Variants in PPFIA2 observed in about 807,000 individuals in gnomAD.
PPFIA2 encodes liprin-alpha-2.
PPFIA2 carries 46 observed loss-of-function variants against 175.5 expected under a neutral mutation model. The observed-to-expected ratio is 0.26, with a 90% CI of 0.21 to 0.34. PPFIA2 has a LOEUF of 0.34. PPFIA2 is among the 10% of genes least tolerant of loss of function. PPFIA2 has a pLI of 1.00. For missense variants in PPFIA2, 1,179 were observed against 1,506.1 expected (o/e 0.78, Z 3.60); for synonymous variants, 568 against 511.4 (o/e 1.11, Z -1.49).
intron 4 of PPFIA2, among the ~76,000 whole-genome samples, chr12:81,527,092 A>G: frequency 6.6e-6 from 1 of 152,164 alleles, no homozygotes; most frequent in East Asian, 1.9e-4. Flanking sequence ...TACAATAAAA[A>G]TATTCGTGTC....
chr12:81,259,638 A>T lies in PPFIA2; in HGVS notation c.*56T>A. 1 of 1,534,350 alleles carries T rather than the reference A, an allele frequency of 6.5e-7. No homozygotes were observed. Among genetic ancestry groups the T allele is most frequent in the South Asian group, 1.2e-5 (1 of 83,990 alleles). On this transcript the variant is annotated 3_prime_UTR_variant, in exon 33 of 33. Transcript: ENST00000549396. ...TCTTAGATGGTAGTGCACTTTAGGT[A>T]GAGTAGACTGAAAAGACGCCATCTA... is the stretch of plus-strand genomic sequence containing the variant.
chr12:81,661,357 T>A (rs1834265524), intron 4 of PPFIA2, among the ~76,000 whole-genome samples: 1 of 152,162 alleles, frequency 6.6e-6, no homozygotes, highest in Non-Finnish European at 1.5e-5. Flanking sequence ...GAGGAAGATC[T>A]ACCAAGCAAA....
chr12:81,311,751 A>AAG (rs1313339975), intron 22 of PPFIA2, among the ~76,000 whole-genome samples: 3 of 69,110 alleles, frequency 4.3e-5, no homozygotes, highest in Admixed American at 1.6e-4. Context: ...AAAAAAAAAA[A>AAG]AGAAAGAAAG....
intron 3 of PPFIA2, among the ~76,000 whole-genome samples, chr12:81,714,070 C>A (rs1365351282): frequency 2.6e-5 from 4 of 150,964 alleles, no homozygotes; most frequent in Non-Finnish European, 4.4e-5. Flanking sequence ...GTTCTGAGGA[C>A]CATCCAGGGG....
At chr12:81,555,962 G>A (rs1385739679) in intron 4 of PPFIA2, among the ~76,000 whole-genome samples, 2 of 151,736 alleles carry the variant, frequency 1.3e-5, no homozygotes, top group African/African-American at 4.8e-5. Flanking sequence ...AGAGACCCTT[G>A]GGGTTTCATC....
chr12:81,460,925 A>G (rs2054418528), intron 4 of PPFIA2, among the ~76,000 whole-genome samples: 1 of 152,060 alleles, frequency 6.6e-6, no homozygotes, highest in African/African-American at 2.4e-5. Flanking sequence ...AACCCAGACA[A>G]TCTAACTCAT....
chr12:81,642,454 C>A (rs2065100345), intron 4 of PPFIA2, among the ~76,000 whole-genome samples: 1 of 150,976 alleles, frequency 6.6e-6, no homozygotes, highest in South Asian at 2.1e-4. Flanking sequence ...TTAATAAAAA[C>A]TGAAAATATA....
chr12:81,655,605 A>G (rs10778822), intron 4 of PPFIA2, among the ~76,000 whole-genome samples: 46,688 of 151,626 alleles, frequency 0.31, 8,182 homozygotes, highest in Middle Eastern at 0.4. Context: ...CTTTTTAGTT[A>G]TTATTTTTAA....
chr12:81,471,069 C>A (rs2056631513), intron 4 of PPFIA2: 1 of 151,982 alleles, frequency 6.6e-6, no homozygotes, highest in Non-Finnish European at 1.5e-5. Context: ...CATGTTGTCA[C>A]AAATGGTAGG....
chr12:81,751,609 G>C (rs1373105600), intron 3 of PPFIA2, among the ~76,000 whole-genome samples: 4 of 151,490 alleles, frequency 2.6e-5, no homozygotes, highest in Admixed American at 2.6e-4. Context: ...GAGTAAGAGA[G>C]AAAGAGAGAG....
At chr12:81,619,147 T>G (rs11114939) in intron 4 of PPFIA2, among the ~76,000 whole-genome samples, 9,707 of 152,252 alleles carry the variant, frequency 0.064, 430 homozygotes, top group East Asian at 0.25. Flanking sequence ...TACTACATTC[T>G]TCTCTTTGGA....
intron 4 of PPFIA2, among the ~76,000 whole-genome samples, chr12:81,511,505 T>G (rs2061794795): frequency 6.6e-6 from 1 of 152,072 alleles, no homozygotes. Flanking sequence ...TAATAGTACA[T>G]TTTTAAAAAG....
intron 4 of PPFIA2, among the ~76,000 whole-genome samples, chr12:81,473,370 T>C (rs551587232): frequency 6.6e-6 from 1 of 152,070 alleles, no homozygotes. Context: ...GATTGAGCCA[T>C]TGCACTCTAG....
At chr12:81,412,304 T>A (rs570640409) in intron 7 of PPFIA2, among the ~76,000 whole-genome samples, 1 of 148,250 alleles carries the variant, frequency 6.7e-6, no homozygotes, top group African/African-American at 2.5e-5. Flanking sequence ...AGTTTCCTTC[T>A]CTTGTGTAGA....
intron 4 of PPFIA2, among the ~76,000 whole-genome samples, chr12:81,645,706 C>T (rs1025461038): frequency 6.6e-6 from 1 of 152,186 alleles, no homozygotes; most frequent in African/African-American, 2.4e-5. Flanking sequence ...ATCAGCAGAA[C>T]ATGGAGCCAA....
intron 3 of PPFIA2, among the ~76,000 whole-genome samples, chr12:81,737,435 A>G (rs2081748410): frequency 1.3e-5 from 2 of 151,740 alleles, no homozygotes; most frequent in Non-Finnish European, 2.9e-5. Context: ...ACATCTGGCC[A>G]AAAAAAATAA....
At chr12:81,515,120 C>T (rs965611424) in intron 4 of PPFIA2, among the ~76,000 whole-genome samples, 2 of 151,862 alleles carry the variant, frequency 1.3e-5, no homozygotes, top group Non-Finnish European at 2.9e-5. Context: ...AATGAAGATA[C>T]ATAAAATCAT....
chr12:81,644,873 T>C (rs1280654805), intron 4 of PPFIA2, among the ~76,000 whole-genome samples: 2 of 152,136 alleles, frequency 1.3e-5, no homozygotes, highest in Non-Finnish European at 2.9e-5. Flanking sequence ...ATTTTTATTT[T>C]TTAAATGCTA....
intron 18 of PPFIA2, among the ~76,000 whole-genome samples, chr12:81,345,208 A>C (rs2058843489): frequency 6.6e-6 from 1 of 152,118 alleles, no homozygotes; most frequent in Non-Finnish European, 1.5e-5. Context: ...CTTTCCCACA[A>C]ATGCCAAAAG....
Sources: allele counts gnomAD v4.1 joint callset (sites outside exome capture counted in the v4.1 genomes callset), GRCh38; gene constraint gnomAD v4.1.1; transcripts MANE v1.5; gene names NCBI Gene and HGNC (gene_info 2026-07-23, HGNC 2026-07-21).